Variants in SRGAP3 observed in about 807,000 individuals in gnomAD.
SRGAP3 encodes SLIT-ROBO Rho GTPase-activating protein 3.
SRGAP3 carries 39 observed loss-of-function variants against 121.1 expected under a neutral mutation model. The ratio of observed to expected loss-of-function variants is 0.32; its 90% confidence interval spans 0.25 to 0.42. The LOEUF is 0.42. SRGAP3 is among the 10% of genes least tolerant of loss of function. The pLI is 1.00. For missense variants in SRGAP3, 1,213 were observed against 1,470.6 expected (o/e 0.82, Z 2.86); for synonymous variants, 601 against 570.0 (o/e 1.05, Z -0.77).
chr3:9,234,582 ATC>A (rs1209588721), intron 1 of SRGAP3, among the ~76,000 whole-genome samples: 1 of 152,068 alleles, frequency 6.6e-6, no homozygotes, highest in African/African-American at 2.4e-5. Flanking sequence ...CCAAGCTTGA[ATC>A]TCTCAGCGAG....
At position 8,980,695 on chromosome 3, in the gene SRGAP3, C is replaced by T. The variant is rs959451309; in HGVS notation, c.*4824G>A. 14 of 232,418 alleles carry T rather than the reference C, an allele frequency of 6.0e-5. No individual in the cohort carries two copies. Among genetic ancestry groups the T allele is most frequent in the African/African-American group, 1.1e-4 (5 of 45,276 alleles). 14.4% of individuals were successfully genotyped at this position (232,418 alleles called of 1,614,324 possible). ...GGATCCAATCAGACACTCTATAGGA[C>T]GGGCGTTTGGTCGTAAGGTAGAGAA... On this transcript the variant is annotated 3_prime_UTR_variant, in exon 22 of 22. Transcript: ENST00000383836.
At chr3:9,034,972 C>G (rs1300580916) in intron 11 of SRGAP3, 1 of 152,184 alleles carries the variant, frequency 6.6e-6, no homozygotes, top group Admixed American at 6.5e-5. Context: ...TCACAACAAC[C>G]CTGTGAGGCT....
chr3:9,218,260 G>C lies in SRGAP3; in HGVS notation c.67+30625C>G, dbSNP rs1272080439. The C allele has an allele frequency of 1.3e-5, 2 of 152,184 alleles. No homozygotes were observed. Among genetic ancestry groups the C allele is most frequent in the Non-Finnish European group, 2.9e-5 (2 of 68,032 alleles). The allele number at this position is 152,184 out of a possible 1,614,324, so 9.4% of individuals were successfully genotyped here. ...AGCCAGATTGGTCAAATCCACCCTA[G>C]AAATGAATTAGGGAGAAGAGATGGC... On this transcript the variant is annotated intron_variant, in intron 1 of 21. Transcript: ENST00000383836. This position sits in a 1 kb window ranked among gnomAD's most constrained non-coding sequence, Gnocchi z 5.3.
chr3:9,360,795 C>T (rs1360131901), intron 1 of SRGAP3, among the ~76,000 whole-genome samples: 5 of 152,142 alleles, frequency 3.3e-5, no homozygotes, highest in African/African-American at 1.2e-4. Flanking sequence ...TGGGTCCCTC[C>T]CACAATATAT....
chr3:9,000,943 G>A (rs1391289804), intron 18 of SRGAP3, among the ~76,000 whole-genome samples: 3 of 152,206 alleles, frequency 2.0e-5, no homozygotes, highest in Non-Finnish European at 4.4e-5. Flanking sequence ...CCACAGAGCA[G>A]TATTTCCATA....
At chr3:9,117,096 C>T (rs1408392152) in intron 2 of SRGAP3, among the ~76,000 whole-genome samples, 2 of 152,208 alleles carry the variant, frequency 1.3e-5, no homozygotes, top group Non-Finnish European at 2.9e-5. Flanking sequence ...CCCCAGAAAG[C>T]CATTACTAGC....
In SRGAP3 at chr3:9,195,614, C is replaced by G. The variant is rs941090743; in HGVS notation, c.67+53271G>C. ...TACAGGTATTTCCAGAAAGGCACAC[C>G]AATAAACAGCATGCACCCAAGGCCC... On this transcript the variant is annotated intron_variant, in intron 1 of 21. Coordinates refer to ENST00000383836, the MANE Select transcript of SRGAP3 (RefSeq NM_014850.4). Among the ~76,000 whole-genome samples, 9 of 152,074 alleles carry G rather than the reference C, an allele frequency of 5.9e-5. 1 individual carries two copies. The highest frequency in any genetic ancestry group is 1.0e-4 in the Non-Finnish European group (7 of 68,016).
At chr3:9,343,258 C>G (rs1360342380) in intron 1 of SRGAP3, among the ~76,000 whole-genome samples, 1 of 152,178 alleles carries the variant, frequency 6.6e-6, no homozygotes, top group Non-Finnish European at 1.5e-5. Context: ...ATCATGCTGG[C>G]TCTTTGAAAG....
At chr3:9,140,156 T>C (rs1257146807) in intron 1 of SRGAP3, among the ~76,000 whole-genome samples, 1 of 149,804 alleles carries the variant, frequency 6.7e-6, no homozygotes, top group African/African-American at 2.5e-5. Context: ...CACACATACA[T>C]ACACAAATGT....
chr3:8,994,666 G>A (rs922959838), intron 18 of SRGAP3, 143 bp from the exon 19 acceptor site: 7 of 1,074,474 alleles, frequency 6.5e-6, no homozygotes, highest in African/African-American at 6.2e-5. Context: ...GGTGGGCTGG[G>A]GCTCAGGACC....
intron 20 of SRGAP3, 69 bp from the exon 21 acceptor site, chr3:8,990,908 G>C (rs890917248): frequency 7.4e-7 from 1 of 1,358,198 alleles, no homozygotes; most frequent in African/African-American, 1.5e-5. Flanking sequence ...GAATGGGTGA[G>C]TCAACCCCAT....
At chr3:9,080,830 C>T (rs1947211098) in intron 3 of SRGAP3, among the ~76,000 whole-genome samples, 1 of 152,244 alleles carries the variant, frequency 6.6e-6, no homozygotes. Flanking sequence ...CCCATCACCC[C>T]CAGATGAAAC....
chr3:8,993,184 G>A, intron 19 of SRGAP3, 129 bp from the exon 20 acceptor site: 1 of 1,445,352 alleles, frequency 6.9e-7, no homozygotes. Flanking sequence ...CACAGCGCTT[G>A]CTAGGCCACT....
chr3:9,136,556 G>A (rs1949673275), intron 1 of SRGAP3, among the ~76,000 whole-genome samples: 2 of 152,204 alleles, frequency 1.3e-5, no homozygotes, highest in South Asian at 4.1e-4. Flanking sequence ...CCTGTATTCG[G>A]CCAACGACCG....
chr3:9,360,167 A>C (rs2030717360), intron 1 of SRGAP3, among the ~76,000 whole-genome samples: 1 of 152,138 alleles, frequency 6.6e-6, no homozygotes, highest in Non-Finnish European at 1.5e-5. Flanking sequence ...GGGCTCAAGC[A>C]ATCTTCCCGC....
rs1941496810 is a variant in SRGAP3, at chr3:8,982,949, C to G, written c.*2570G>C. 4.4e-6 allele frequency: 1 copy of G among 228,886 alleles called. No individual in the cohort carries two copies. The highest frequency in any genetic ancestry group is 6.2e-5 in the East Asian group (1 of 16,128). 14.2% of individuals were successfully genotyped at this position (228,886 alleles called of 1,614,324 possible). A position where few individuals can be genotyped will look rare whatever the true frequency, so the allele number is the denominator to read the frequency against. On this transcript the variant is annotated 3_prime_UTR_variant, in exon 22 of 22. Transcript: ENST00000383836. Reference sequence around the variant, plus strand: ...AAGAAAAAAACAAAATCAGTCAATTCAGAGAAAAATCCACACGGTCTGATT... The same window carrying G: ...AAGAAAAAAACAAAATCAGTCAATTGAGAGAAAAATCCACACGGTCTGATT...
intron 3 of SRGAP3, among the ~76,000 whole-genome samples, chr3:9,259,386 C>T (rs927985695): frequency 7.9e-5 from 12 of 152,128 alleles, no homozygotes; most frequent in African/African-American, 2.9e-4. Context: ...TCAAGCGATC[C>T]TCCCCTTTCA....
At chr3:9,195,641 G>A (rs908360851) in intron 1 of SRGAP3, among the ~76,000 whole-genome samples, 6 of 152,042 alleles carry the variant, frequency 3.9e-5, no homozygotes, top group African/African-American at 1.2e-4. Context: ...CCAAGGCCCC[G>A]TCTCAGGCTC....
intron 1 of SRGAP3, among the ~76,000 whole-genome samples, chr3:9,342,808 G>A (rs1217542349): frequency 6.6e-6 from 1 of 152,234 alleles, no homozygotes; most frequent in Non-Finnish European, 1.5e-5. Context: ...ACAACTCCAT[G>A]AGGAGGCAGA....
Sources: gnomAD v4.1 joint callset for allele counts (sites outside exome capture counted in the v4.1 genomes callset) on GRCh38, gnomAD v4.1.1 for gene constraint, Gnocchi (gnomAD v3.1) non-coding constraint, MANE v1.5 for transcripts, NCBI Gene and HGNC (gene_info 2026-07-23, HGNC 2026-07-21) for gene names.